PAOX: variants seen among roughly 807,000 people sequenced by gnomAD.
PAOX encodes polyamine oxidase.
In PAOX, 38 loss-of-function variants were observed where a neutral mutation model predicts 39.0. The ratio of observed to expected loss-of-function variants is 0.97; its 90% confidence interval spans 0.75 to 1.28. The LOEUF (loss-of-function observed/expected upper bound fraction) is 1.28, where lower values mean the gene tolerates loss of function less well. PAOX is among the 50% of genes most tolerant of loss of function. The probability of loss-of-function intolerance (pLI) is 0.00; values close to 1 mark genes in which losing one functional copy is unlikely to be tolerated. For synonymous variants in PAOX, 311 were observed against 314.4 expected (o/e 0.99, Z 0.11); for missense variants, 667 against 685.7 (o/e 0.97, Z 0.30).
intron 5 of PAOX, 92 bp from the exon 6 acceptor site, chr10:133,389,498 C>T (rs960452983): frequency 7.1e-6 from 11 of 1,555,092 alleles, no homozygotes; most frequent in African/African-American, 5.4e-5. Context: ...GCATCTTTCA[C>T]GTTAAACTGC....
rs555246713 is a variant in PAOX, at chr10:133,384,698, G to A, written c.1121+486G>A. ...AAACAGCATATCTAGACCACGTGGC[G>A]ATTCAGGAGTTAATCCCATGAGTGA... is the stretch of plus-strand genomic sequence containing the variant. On this transcript the variant is annotated intron_variant, in intron 4 of 6. Coordinates refer to ENST00000278060, the MANE Select transcript of PAOX (RefSeq NM_152911.4). This position sits in a 1 kb window ranked among gnomAD's most constrained non-coding sequence, Gnocchi z 4.3. Among the ~76,000 whole-genome samples, 10 of 152,326 alleles carry A rather than the reference G, an allele frequency of 6.6e-5. No individual in the cohort carries two copies. The East Asian group carries it at 1.2e-3, about 18-fold the overall frequency.
intron 4 of PAOX, among the ~76,000 whole-genome samples, chr10:133,387,234 A>G (rs923180093): frequency 6.6e-6 from 1 of 152,148 alleles, no homozygotes; most frequent in Non-Finnish European, 1.5e-5. Context: ...AGCTGTGATC[A>G]AGCCACTGAA....
chr10:133,380,572 A>AT, intron 2 of PAOX, 87 bp downstream of exon 2: 1 of 1,458,394 alleles, frequency 6.9e-7, no homozygotes, highest in Admixed American at 2.3e-5. Context: ...TTGCTTGGGT[A>AT]TGGGAGGGAC....
Position 133,380,231 on chromosome 10 carries a change from A to T in PAOX, c.414A>T (p.Ile138=), listed in dbSNP as rs1849324241. 6.2e-7 allele frequency: 1 copy of T among 1,612,756 alleles called. No individual in the cohort carries two copies. Among genetic ancestry groups the T allele is most frequent in the Non-Finnish European group, 8.5e-7 (1 of 1,180,016 alleles). ...TGGCGACTCTGTTCTACGGCCTGAT[A>T]GACCAGACCCGGGAGTTCCTGCACG... The part of the protein sequence containing the change: ...AEMATLFYGL[I]DQTREFLHAA... Residue 138 remains isoleucine, a synonymous_variant, in exon 2 of 7, where the codon ATA becomes ATT. Transcript: ENST00000278060.
At position 133,381,655 on chromosome 10, in the gene PAOX, CT is replaced by C; in HGVS notation, c.866del (p.Leu289Ter). On this transcript the variant is annotated frameshift_variant, in exon 3 of 7. Coordinates refer to ENST00000278060, the MANE Select transcript of PAOX (RefSeq NM_152911.4). LOFTEE classifies it high-confidence loss of function. The stretch of plus-strand genomic sequence containing the variant: ...CGCACCATGTCATCGTCACCGTGCC[CT>C]TAGGTAGGTCAGGTTTTCAGCCCAA... ...PAHHVIVTVP[L>X]GFLREHLDTF... 1 of 1,612,970 alleles carries C rather than the reference CT, an allele frequency of 6.2e-7. No individual in the cohort carries two copies. The highest frequency in any genetic ancestry group is 1.3e-5 in the African/African-American group (1 of 75,024).
chr10:133,391,171 C>G (rs1849671039), intron 6 of PAOX, 141 bp from the exon 7 acceptor site: 1 of 823,366 alleles, frequency 1.2e-6, no homozygotes, highest in Non-Finnish European at 2.1e-6. Context: ...ACACGTGAGC[C>G]CTTTTCTCGT....
At chr10:133,389,859 G>A (rs1432588766) in intron 6 of PAOX, 112 bp downstream of exon 6, 8 of 1,185,204 alleles carry the variant, frequency 6.7e-6, no homozygotes, top group East Asian at 3.1e-5. Context: ...TCCCAGACTC[G>A]GAAGCCATTT....
In PAOX at chr10:133,379,262, G is replaced by C. The variant is rs1176462275; in HGVS notation, c.-55G>C. ...CCTCGCTCCGCCTCCGGCCTCCTCC[G>C]AGAGCTCCAGACCTCCCGGCTACTC... On this transcript the variant is annotated 5_prime_UTR_variant, in exon 1 of 7. Transcript: ENST00000278060. 8.4e-7 allele frequency: 1 copy of C among 1,192,618 alleles called. No homozygotes were observed. 73.9% of individuals were successfully genotyped at this position (1,192,618 alleles called of 1,614,324 possible).
rs1849524750 is a variant in PAOX, at chr10:133,386,071, A to G, written c.1121+1859A>G. Among the ~76,000 whole-genome samples, 3 of 145,640 alleles carry G rather than the reference A, an allele frequency of 2.1e-5. No homozygotes were observed. In the East Asian group the frequency reaches 6.2e-4, roughly 30 times the overall value. On this transcript the variant is annotated intron_variant, in intron 4 of 6. Coordinates refer to ENST00000278060, the MANE Select transcript of PAOX (RefSeq NM_152911.4). The stretch of plus-strand genomic sequence containing the variant: ...CTCTCTGTCACCCAGGCTGGAATGC[A>G]TGGAATGCAGTGGCGTGATCTCAGC...
rs375050114 is a variant in PAOX, at chr10:133,383,913, G to A, written c.869-47G>A. On this transcript the variant is annotated intron_variant, in intron 3 of 6. Coordinates refer to ENST00000278060, the MANE Select transcript of PAOX (RefSeq NM_152911.4). Reference sequence around the variant, plus strand: ...CAAGGTCTGGACAGACAGGACTTCCGTGGAGGGCTTTATGTGATGTAAGAA... The same window carrying A: ...CAAGGTCTGGACAGACAGGACTTCCATGGAGGGCTTTATGTGATGTAAGAA... 51 of 1,573,134 alleles carry A rather than the reference G, an allele frequency of 3.2e-5. No homozygotes were observed. The African/African-American group carries it at 4.3e-4, about 13-fold the overall frequency.
In PAOX at chr10:133,389,561, G is replaced by A. The variant is rs753091002; in HGVS notation, c.1235-29G>A. 6.8e-6 allele frequency: 11 copies of A among 1,613,416 alleles called. No homozygotes were observed. The South Asian group carries it at 9.9e-5, about 14-fold the overall frequency. On this transcript the variant is annotated intron_variant, in intron 5 of 6. Coordinates refer to ENST00000278060, the MANE Select transcript of PAOX (RefSeq NM_152911.4). ...TGCAGACCTGTGGGTGAGAGTTCTC[G>A]GTTAACATGCAGTGTCTCTGTGGCT...
Position 133,379,382 on chromosome 10 carries a change from C to A in PAOX, c.66C>A (p.Gly22=). 1 of 1,221,082 alleles carries A rather than the reference C, an allele frequency of 8.2e-7. No individual in the cohort carries two copies. Among genetic ancestry groups the A allele is most frequent in the South Asian group, 4.1e-5 (1 of 24,230 alleles). 75.6% of individuals were successfully genotyped at this position (1,221,082 alleles called of 1,614,324 possible). Residue 22 remains glycine, a synonymous_variant, in exon 1 of 7, where the codon GGC becomes GGA. Transcript: ENST00000278060. Reference sequence around the variant, plus strand: ...CCCGGGTGCTGGTGGTGGGCGGCGGCATCGCGGGGCTGGGCGCGGCGCAGA... The same window carrying A: ...CCCGGGTGCTGGTGGTGGGCGGCGGAATCGCGGGGCTGGGCGCGGCGCAGA... ...GGPRVLVVGG[G]IAGLGAAQRL...
At chr10:133,391,000 G>A (rs1235939651) in intron 6 of PAOX, 1 of 699,936 alleles carries the variant, frequency 1.4e-6, no homozygotes, top group African/African-American at 1.7e-5. Flanking sequence ...GTGGATGCGT[G>A]TGAGCCGTTT....
rs925752233 is a variant in PAOX at position 133,380,343 on chromosome 10, A to C, written c.526A>C (p.Thr176Pro). 1.1e-5 allele frequency: 17 copies of C among 1,612,880 alleles called. No homozygotes were observed. Among genetic ancestry groups the C allele is most frequent in the Non-Finnish European group, 1.4e-5 (17 of 1,180,026 alleles). The change falls in exon 2 of 7, where the codon ACC becomes CCC. Residue 176 changes from threonine (T) to proline (P), a missense_variant. Transcript: ENST00000278060. Reference sequence around the variant, plus strand: ...GGCCGGCTGGACAGAGGATGAGGAGACCAGGAAGCTGAAGCTGGCCGTCCT... The same window carrying C: ...GGCCGGCTGGACAGAGGATGAGGAGCCCAGGAAGCTGAAGCTGGCCGTCCT... ...HVAGWTEDEE[T>P]RKLKLAVLNS...
rs1182824049 is a variant in PAOX at position 133,379,267 on chromosome 10, C to CT, written c.-49dup. The CT allele has an allele frequency of 8.3e-7, 1 of 1,200,842 alleles. No homozygotes were observed. Among genetic ancestry groups the CT allele is most frequent in the Non-Finnish European group, 1.0e-6 (1 of 968,244 alleles). 74.4% of individuals were successfully genotyped at this position (1,200,842 alleles called of 1,614,324 possible). On this transcript the variant is annotated 5_prime_UTR_variant, in exon 1 of 7. Transcript: ENST00000278060. ...CTCCGCCTCCGGCCTCCTCCGAGAG[C>CT]TCCAGACCTCCCGGCTACTCAGAAG...
Position 133,389,697 on chromosome 10 carries a change from G to A in PAOX, c.1342G>A (p.Asp448Asn), listed in dbSNP as rs760188022. The change falls in exon 6 of 7, where the codon GAC becomes AAC. Residue 448 changes from aspartate (D) to asparagine (N), a missense_variant. Physicochemically the swap from Asp to Asn is conservative, Grantham distance 23. Transcript: ENST00000278060. The stretch of plus-strand genomic sequence containing the variant: ...CGTGGCCGTGGGCAGTACTGGGGGC[G>A]ACCTGGACCTGCTGGCTCAGCCCCT... ...SYVAVGSTGGDLDLLAQPLPA... is the reference protein window; with the variant it reads ...SYVAVGSTGGNLDLLAQPLPA... 17 of 1,595,362 alleles carry A rather than the reference G, an allele frequency of 1.1e-5. No homozygotes were observed. In the African/African-American group the frequency reaches 1.5e-4, roughly 14 times the overall value.
At chr10:133,388,157 T>G (rs2133474216) in intron 4 of PAOX, among the ~76,000 whole-genome samples, 1 of 152,310 alleles carries the variant, frequency 6.6e-6, no homozygotes, top group Non-Finnish European at 1.5e-5. Context: ...TTTTAATTTT[T>G]ATATTCAGAG....
intron 6 of PAOX, chr10:133,391,072 CGTTTTCCTGGCTGTTG>C (rs1849666274): frequency 1.4e-6 from 1 of 692,206 alleles, no homozygotes; most frequent in Non-Finnish European, 2.6e-6. Context: ...GCGTGTGAGC[CGTTTTCCTGGCTGTTG>C]ATGGATACAT....
chr10:133,391,415 T>A lies in PAOX; in HGVS notation c.1496T>A (p.Leu499Gln). ...AGGGAGGCCGACCGCCTCCTCAGTC[T>A]GTGGGCCCCGCAGGTGCAGCAGCCC... ...GWREADRLLS[L>Q]WAPQVQQPRP... Residue 499 changes from leucine to glutamine, a missense_variant, in exon 7 of 7, where the codon CTG becomes CAG. By Grantham distance (113) the Leu-to-Gln change is moderately radical. Coordinates refer to ENST00000278060, the MANE Select transcript of PAOX (RefSeq NM_152911.4). 1 of 1,612,930 alleles carries A rather than the reference T, an allele frequency of 6.2e-7. No homozygotes were observed. Among genetic ancestry groups the A allele is most frequent in the African/African-American group, 1.3e-5 (1 of 75,050 alleles).
Sources: allele counts gnomAD v4.1 joint callset (sites outside exome capture counted in the v4.1 genomes callset), GRCh38; gene constraint gnomAD v4.1.1; non-coding constraint Gnocchi (gnomAD v3.1); transcripts MANE v1.5; gene names NCBI Gene and HGNC (gene_info 2026-07-23, HGNC 2026-07-21).